Variants in VAV2 observed in about 807,000 individuals in gnomAD.
VAV2 encodes vav guanine nucleotide exchange factor 2.
In VAV2, 67 loss-of-function variants were observed where a neutral mutation model predicts 132.5. The observed-to-expected ratio is 0.51, with a 90% CI of 0.42 to 0.62. The LOEUF (loss-of-function observed/expected upper bound fraction) is 0.62. Ranked by LOEUF, VAV2 falls within the 20% of genes least tolerant of loss-of-function variation. The pLI is 0.00. For missense variants in VAV2, 938 were observed against 1,153.6 expected (o/e 0.81, Z 2.71); for synonymous variants, 492 against 443.5 (o/e 1.11, Z -1.37).
At chr9:133,958,419 T>C (rs1385198767) in intron 1 of VAV2, among the ~76,000 whole-genome samples, 2 of 150,078 alleles carry the variant, frequency 1.3e-5, no homozygotes, top group Non-Finnish European at 3.0e-5. Flanking sequence ...TTTATGTGTA[T>C]GCATATCTAA....
In VAV2 at chr9:133,992,246, G is replaced by A; in HGVS notation, c.33C>T (p.Leu11=). The change falls in exon 1 of 30, where the codon CTC becomes CTT. Residue 11 remains leucine (L), a synonymous_variant. Transcript: ENST00000371850. This position sits in a 1 kb window ranked among gnomAD's most constrained non-coding sequence, Gnocchi z 5.5. Reference sequence around the variant, plus strand: ...TGGGCGGCAGGACCTTGCAATCGATGAGCCAGCGGCCGCACTGCCGCCACT... The same window carrying A: ...TGGGCGGCAGGACCTTGCAATCGATAAGCCAGCGGCCGCACTGCCGCCACT... MEQWRQCGRW[L]IDCKVLPPNH... The A allele has an allele frequency of 6.3e-7, 1 of 1,580,048 alleles. No homozygotes were observed. Among genetic ancestry groups the A allele is most frequent in the Admixed American group, 1.8e-5 (1 of 56,750 alleles).
intron 13 of VAV2, among the ~76,000 whole-genome samples, chr9:133,789,674 C>T (rs1037806108): frequency 4.1e-5 from 6 of 147,492 alleles, no homozygotes; most frequent in African/African-American, 9.8e-5. Flanking sequence ...AAGCGGGACC[C>T]GGTCGGAAAA....
chr9:133,938,270 G>T (rs1564481529), intron 2 of VAV2, among the ~76,000 whole-genome samples: 1 of 152,200 alleles, frequency 6.6e-6, no homozygotes, highest in Admixed American at 6.5e-5. Flanking sequence ...GGGGCCTGGG[G>T]CCTCCTCGGC....
chr9:133,937,208 G>A (rs1564480352), intron 2 of VAV2, among the ~76,000 whole-genome samples: 1 of 152,124 alleles, frequency 6.6e-6, no homozygotes, highest in Non-Finnish European at 1.5e-5. Context: ...CTGTGTGTGT[G>A]TGAATGTGTG....
intron 1 of VAV2, among the ~76,000 whole-genome samples, chr9:133,979,606 C>T (rs1415574095): frequency 6.6e-6 from 1 of 152,184 alleles, no homozygotes; most frequent in African/African-American, 2.4e-5. Context: ...CCACGGCCGC[C>T]GGCAGGACAG....
rs1842274722 is a variant in VAV2 at position 133,969,996 on chromosome 9, TC to T, written c.204+22078del. ...AGCCTTCAAGGCAGTGACTCAGAGTTCCTGCCACCCCCCAGACGTGCAGGGT... is the reference window on the plus strand; with the variant it reads ...AGCCTTCAAGGCAGTGACTCAGAGTTCTGCCACCCCCCAGACGTGCAGGGT... On this transcript the variant is annotated intron_variant, in intron 1 of 29. Coordinates refer to ENST00000371850, the MANE Select transcript of VAV2 (RefSeq NM_001134398.2). The surrounding 1 kb of genome is among the most constrained non-coding windows in gnomAD (Gnocchi z 5.1). Among the ~76,000 whole-genome samples, 1 of 152,084 alleles carries T rather than the reference TC, an allele frequency of 6.6e-6. No homozygotes were observed. Among genetic ancestry groups the T allele is most frequent in the African/African-American group, 2.4e-5 (1 of 41,402 alleles).
chr9:133,864,804 C>T (rs1837736917), intron 2 of VAV2, among the ~76,000 whole-genome samples: 2 of 152,304 alleles, frequency 1.3e-5, no homozygotes, highest in South Asian at 2.1e-4. Flanking sequence ...GTGGACTCCT[C>T]GCAGAGCCAG....
chr9:133,890,327 C>T lies in VAV2; in HGVS notation c.322-28895G>A, dbSNP rs115664783. On this transcript the variant is annotated intron_variant, in intron 2 of 29. Coordinates refer to ENST00000371850, the MANE Select transcript of VAV2 (RefSeq NM_001134398.2). ...ACAGAGGGACTGACGGCGCGTCTCACGCAGGCCGTGGGGCAACCAGGAGGA... is the reference window on the plus strand; with the variant it reads ...ACAGAGGGACTGACGGCGCGTCTCATGCAGGCCGTGGGGCAACCAGGAGGA... 2.0e-3 allele frequency among the ~76,000 whole-genome samples: 301 copies of T among 152,344 alleles called. 4 individuals are homozygous for T. Among genetic ancestry groups the T allele is most frequent in the African/African-American group, 6.9e-3 (288 of 41,578 alleles).
intron 2 of VAV2, among the ~76,000 whole-genome samples, chr9:133,907,560 G>C (rs1400867457): frequency 6.6e-6 from 1 of 152,192 alleles, no homozygotes; most frequent in Non-Finnish European, 1.5e-5. Context: ...GCTCCACCAC[G>C]TTGGAAAGCC....
intron 5 of VAV2, among the ~76,000 whole-genome samples, chr9:133,811,597 G>T (rs1224092504): frequency 6.6e-6 from 1 of 152,208 alleles, no homozygotes; most frequent in Non-Finnish European, 1.5e-5. Context: ...ACTGGCGTCC[G>T]AGAGATTATT....
Position 133,812,229 on chromosome 9 carries a change from A to C in VAV2, c.450-13T>G, listed in dbSNP as rs1228213050. On this transcript the variant is annotated splice_polypyrimidine_tract_variant and intron_variant, in intron 4 of 29. Transcript: ENST00000371850. ...CAGGTCATGCTCGCTGCACAGGAGG[A>C]GGCGGGTTAGAGGGGAGGGGAGGCT... is the stretch of plus-strand genomic sequence containing the variant. The C allele has an allele frequency of 1.9e-6, 3 of 1,613,034 alleles. No individual in the cohort carries two copies. The highest frequency in any genetic ancestry group is 2.2e-5 in the East Asian group (1 of 44,852).
At chr9:133,784,213 G>T in intron 18 of VAV2, 104 bp downstream of exon 18, 1 of 1,299,490 alleles carries the variant, frequency 7.7e-7, no homozygotes, top group Non-Finnish European at 1.1e-6. Context: ...TAACCCCTCA[G>T]GGCCTCCCAC....
chr9:133,800,671 A>G (rs1834895333), intron 9 of VAV2, among the ~76,000 whole-genome samples: 1 of 152,200 alleles, frequency 6.6e-6, no homozygotes. Context: ...CAGCAGCTCT[A>G]GTGTGGCCAA....
intron 1 of VAV2, among the ~76,000 whole-genome samples, chr9:133,970,833 G>A (rs750900396): frequency 2.0e-5 from 3 of 152,144 alleles, no homozygotes; most frequent in African/African-American, 7.2e-5. Context: ...AAATGCAAAC[G>A]GCTTCTGTAC....
intron 2 of VAV2, among the ~76,000 whole-genome samples, chr9:133,890,749 G>A (rs568446932): frequency 2.0e-5 from 3 of 152,286 alleles, no homozygotes; most frequent in Admixed American, 6.5e-5. Flanking sequence ...CATGGAACAC[G>A]GACGAGATGG....
chr9:133,791,102 T>C (rs1418681363), intron 13 of VAV2, among the ~76,000 whole-genome samples: 2 of 152,170 alleles, frequency 1.3e-5, no homozygotes, highest in Non-Finnish European at 2.9e-5. Context: ...TCAGCAGTGC[T>C]GAGGTGGAGA....
At chr9:133,915,750 AC>A (rs1840056839) in intron 2 of VAV2, among the ~76,000 whole-genome samples, 1 of 150,716 alleles carries the variant, frequency 6.6e-6, no homozygotes, top group Non-Finnish European at 1.5e-5. Flanking sequence ...ACATACACAC[AC>A]GATGCACACA....
chr9:133,861,286 C>G, intron 3 of VAV2, 88 bp downstream of exon 3: 2 of 1,427,282 alleles, frequency 1.4e-6, no homozygotes, highest in South Asian at 2.7e-5. Context: ...AGGGCATCTG[C>G]TTCCAACCCC....
intron 20 of VAV2, 131 bp from the exon 21 acceptor site, chr9:133,780,070 G>A (rs748831674): frequency 1.6e-6 from 2 of 1,252,356 alleles, no homozygotes; most frequent in Non-Finnish European, 2.3e-6. Context: ...GAGCAGGGGA[G>A]GAGAGGGACA....
Sources: allele counts gnomAD v4.1 joint callset (sites outside exome capture counted in the v4.1 genomes callset), GRCh38; gene constraint gnomAD v4.1.1; non-coding constraint Gnocchi (gnomAD v3.1); transcripts MANE v1.5; gene names NCBI Gene and HGNC (gene_info 2026-07-23, HGNC 2026-07-21).